CD63: variants seen among roughly 807,000 people sequenced by gnomAD.
CD63 encodes the protein CD63 molecule.
Under a neutral mutation model 29.2 loss-of-function variants are expected in CD63, and 16 were observed. The observed-to-expected ratio is 0.55, with a 90% confidence interval of 0.37 to 0.83. The LOEUF (loss-of-function observed/expected upper bound fraction) is 0.83. CD63 is among the 40% of genes least tolerant of loss of function. The pLI, the probability that CD63 is intolerant of heterozygous loss-of-function variation, is 0.00. For missense variants in CD63, 251 were observed against 297.3 expected, an observed-to-expected ratio of 0.84 and a Z score of 1.15; for synonymous variants, 118 against 111.7, an observed-to-expected ratio of 1.06 and a Z score of -0.36.
At chr12:55,727,074 T>C (rs1312687483) in intron 3 of CD63, 77 bp downstream of exon 3, 28 of 1,061,600 alleles carry the variant, frequency 2.6e-5, no homozygotes, top group Non-Finnish European at 3.5e-5. Flanking sequence ...CCCACCCACC[T>C]CACCCACCTT....
At position 55,728,988 on chromosome 12, in the gene CD63, C is replaced by T; in HGVS notation, c.-47G>A. On this transcript the variant is annotated 5_prime_UTR_variant, in exon 1 of 8. Transcript: ENST00000257857. This position sits in a 1 kb window ranked among gnomAD's most constrained non-coding sequence, Gnocchi z 4.8. ...CAAGGCTGGCTGCGCGTTCCTCTCC[C>T]GCCGCGGCTCCGGGGCTCTCTAGCT... 6.1e-6 allele frequency: 6 copies of T among 985,490 alleles called. No individual in the cohort carries two copies. The highest frequency in any genetic ancestry group is 7.2e-6 in the Non-Finnish European group (6 of 830,078). The allele number at this position is 985,490 out of a possible 1,614,324, so 61.0% of individuals were successfully genotyped here.
At chr12:55,727,670 G>C (rs1195367454) in intron 2 of CD63, 5 of 1,085,346 alleles carry the variant, frequency 4.6e-6, no homozygotes, top group Non-Finnish European at 5.6e-6. Flanking sequence ...TCCCAGAACT[G>C]CCCCCTCACT....
chr12:55,727,409 G>GGTA, intron 2 of CD63, 70 bp from the exon 3 acceptor site: 1 of 1,416,780 alleles, frequency 7.1e-7, no homozygotes. Flanking sequence ...GAGGGCAGGG[G>GGTA]GTACACCTAG....
At chr12:55,723,803 T>C (rs1877045909), downstream of CD63, 1 of 1,535,720 alleles carries the variant, frequency 6.5e-7, no homozygotes, top group Non-Finnish European at 8.9e-7. Context: ...TGTGGTAACT[T>C]TCTCAGCTCC....
At chr12:55,726,868 C>T (rs760643786) in intron 4 of CD63, 22 bp downstream of exon 4, 1 of 1,611,272 alleles carries the variant, frequency 6.2e-7, no homozygotes, top group Non-Finnish European at 8.5e-7. Flanking sequence ...GAGGCAGGCC[C>T]TTCCCATTAT....
intron 2 of CD63, chr12:55,727,909 G>C: frequency 1.7e-6 from 2 of 1,146,642 alleles, no homozygotes; most frequent in Non-Finnish European, 2.2e-6. Context: ...GCTGGACAGG[G>C]ATGAGAGGGT....
At position 55,725,538 on chromosome 12, in the gene CD63, A is replaced by G. The variant is rs1877206844; in HGVS notation, c.*23T>C. On this transcript the variant is annotated 3_prime_UTR_variant, in exon 8 of 8. Transcript: ENST00000257857. The stretch of plus-strand genomic sequence containing the variant: ...GGATACTATTCCACTCCCCCAGATG[A>G]GGAGGCTGAGGAGACCAGACCCCTA... 3.1e-6 allele frequency: 5 copies of G among 1,587,396 alleles called. No homozygotes were observed. The East Asian group carries it at 6.7e-5, about 21-fold the overall frequency.
chr12:55,725,691 C>T, intron 7 of CD63, 65 bp from the exon 8 acceptor site: 1 of 1,529,238 alleles, frequency 6.5e-7, no homozygotes, highest in Non-Finnish European at 9.1e-7. Context: ...CAGACCCATG[C>T]AAGAGACTCC....
chr12:55,729,215 C>T, upstream of CD63: 2 of 889,680 alleles, frequency 2.2e-6, no homozygotes, highest in Non-Finnish European at 1.3e-6. Context: ...AAGGCGCCCA[C>T]CCCCGCAAAG....
At position 55,728,260 on chromosome 12, in the gene CD63, AC is replaced by A; in HGVS notation, c.66+15del. The A allele has an allele frequency of 6.2e-7, 1 of 1,603,608 alleles. No individual in the cohort carries two copies. Among genetic ancestry groups the A allele is most frequent in the Non-Finnish European group, 8.5e-7 (1 of 1,175,094 alleles). On this transcript the variant is annotated intron_variant, in intron 2 of 7. Coordinates refer to ENST00000257857, the MANE Select transcript of CD63 (RefSeq NM_001780.6). This position sits in a 1 kb window ranked among gnomAD's most constrained non-coding sequence, Gnocchi z 4.8. Reference sequence around the variant, plus strand: ...GCACCCTGCCGGCGCGCCCCCCAGGACCCCTCGCCACTCACGCAAAAGGCCA... The same window carrying A: ...GCACCCTGCCGGCGCGCCCCCCAGGACCCTCGCCACTCACGCAAAAGGCCA...
At chr12:55,724,125 A>T, downstream of CD63, 1 of 1,551,390 alleles carries the variant, frequency 6.4e-7, no homozygotes, top group East Asian at 2.3e-5. Context: ...TAAGCCTGCT[A>T]GGAGGTGGGT....
Position 55,725,590 on chromosome 12 carries a change from T to C in CD63, c.688A>G (p.Ser230Gly). ...ATCACCTCGTAGCCACTTCTGATACTCTTCACGAGGCAGCAGGCAAAGACA... is the reference window on the plus strand; with the variant it reads ...ATCACCTCGTAGCCACTTCTGATACCCTTCACGAGGCAGCAGGCAAAGACA... ...GIVFACCLVK[S>G]IRSGYEVM The change falls in exon 8 of 8, where the codon AGT becomes GGT. Residue 230 changes from serine (S) to glycine (G), a missense_variant. By Grantham distance (56) the Ser-to-Gly change is moderately conservative. Coordinates refer to ENST00000257857, the MANE Select transcript of CD63 (RefSeq NM_001780.6). The C allele has an allele frequency of 6.2e-7, 1 of 1,614,052 alleles. No individual in the cohort carries two copies.
At position 55,728,695 on chromosome 12, in the gene CD63, C is replaced by T. The variant is rs374620980; in HGVS notation, c.-12+258G>A. On this transcript the variant is annotated intron_variant, in intron 1 of 7. Transcript: ENST00000257857. The surrounding 1 kb of genome is among the most constrained non-coding windows in gnomAD (Gnocchi z 4.8). Reference sequence around the variant, plus strand: ...CCAACACCCAGCCTGGAGAAACGGTCTTCAGCCCAACCCCGACCCCCGCCC... The same window carrying T: ...CCAACACCCAGCCTGGAGAAACGGTTTTCAGCCCAACCCCGACCCCCGCCC... 186 of 1,130,820 alleles carry T rather than the reference C, an allele frequency of 1.6e-4. 1 individual carries two copies. In the East Asian group the frequency reaches 8.3e-3, roughly 50 times the overall value. The allele number at this position is 1,130,820 out of a possible 1,614,324, so 70.0% of individuals were successfully genotyped here.
rs895585772 is a variant in CD63 at position 55,728,223 on chromosome 12, C to T, written c.66+53G>A. ...TCCCTCAGCCCTCACCACTGTGGAG[C>T]CAGGTCTCCCCGCACCCTGCCGGCG... On this transcript the variant is annotated intron_variant, in intron 2 of 7. Coordinates refer to ENST00000257857, the MANE Select transcript of CD63 (RefSeq NM_001780.6). The surrounding 1 kb of genome is among the most constrained non-coding windows in gnomAD (Gnocchi z 4.8). 2.7e-6 allele frequency: 4 copies of T among 1,473,106 alleles called. No individual in the cohort carries two copies. Among genetic ancestry groups the T allele is most frequent in the African/African-American group, 2.8e-5 (2 of 72,348 alleles). 91.3% of individuals were successfully genotyped at this position (1,473,106 alleles called of 1,614,324 possible).
chr12:55,725,640 T>G lies in CD63; in HGVS notation c.652-14A>C. ...AATTCCCAAAACCTAGAAGGAAAGA[T>G]GGGGACAGGGGTGGAGAGGAGTCAG... On this transcript the variant is annotated splice_polypyrimidine_tract_variant and intron_variant, in intron 7 of 7. Coordinates refer to ENST00000257857, the MANE Select transcript of CD63 (RefSeq NM_001780.6). 6.2e-7 allele frequency: 1 copy of G among 1,613,378 alleles called. No individual in the cohort carries two copies. Among genetic ancestry groups the G allele is most frequent in the Non-Finnish European group, 8.5e-7 (1 of 1,179,422 alleles).
downstream of CD63, chr12:55,724,262 T>G: frequency 1.3e-6 from 2 of 1,588,742 alleles, no homozygotes; most frequent in Non-Finnish European, 1.7e-6. Context: ...CAGAAGACAG[T>G]ACCTAAGATG....
intron 2 of CD63, chr12:55,727,735 C>T: frequency 1.9e-6 from 2 of 1,036,024 alleles, no homozygotes; most frequent in South Asian, 3.8e-5. Context: ...TTCCTCTGGC[C>T]AGTTAGGCCA....
chr12:55,725,127 A>G (rs1439803373), downstream of CD63, among the ~76,000 whole-genome samples: 2 of 152,208 alleles, frequency 1.3e-5, no homozygotes, highest in Non-Finnish European at 2.9e-5. Flanking sequence ...CTGGGCCCTT[A>G]GCGGTGCACA....
In CD63 at chr12:55,728,358, G is replaced by A; in HGVS notation, c.-11-6C>T. On this transcript the variant is annotated splice_region_variant and splice_polypyrimidine_tract_variant and intron_variant, in intron 1 of 7. Transcript: ENST00000257857. This position sits in a 1 kb window ranked among gnomAD's most constrained non-coding sequence, Gnocchi z 4.8. Reference sequence around the variant, plus strand: ...CACCGCCATGGCTGCCGGGCCTGGGGCAGAGGGGAGGGCGGGGGGATTAAA... The same window carrying A: ...CACCGCCATGGCTGCCGGGCCTGGGACAGAGGGGAGGGCGGGGGGATTAAA... 2 of 1,607,668 alleles carry A rather than the reference G, an allele frequency of 1.2e-6. No individual in the cohort carries two copies. Among genetic ancestry groups the A allele is most frequent in the Non-Finnish European group, 1.7e-6 (2 of 1,177,834 alleles).
Sources: allele counts gnomAD v4.1 joint callset (sites outside exome capture counted in the v4.1 genomes callset), GRCh38; gene constraint gnomAD v4.1.1; non-coding constraint Gnocchi (gnomAD v3.1); transcripts MANE v1.5; gene names NCBI Gene and HGNC (gene_info 2026-07-23, HGNC 2026-07-21).